Variants in SYT7 observed in about 807,000 individuals in gnomAD.
SYT7 encodes the protein synaptotagmin-7.
In SYT7, 29 loss-of-function variants were observed where a neutral mutation model predicts 75.1. That is an observed-to-expected ratio of 0.39 (90% CI 0.29 to 0.53). The LOEUF (loss-of-function observed/expected upper bound fraction) is 0.53, where lower values mean the gene tolerates loss of function less well. SYT7 is among the 20% of genes least tolerant of loss of function. The probability of loss-of-function intolerance (pLI) is 0.77; values close to 1 mark genes in which losing one functional copy is unlikely to be tolerated. For synonymous variants in SYT7, 376 were observed against 401.7 expected (o/e 0.94, Z 0.76); for missense variants, 693 against 953.2 (o/e 0.73, Z 3.59).
At chr11:61,543,077 G>A (rs2063094170) in intron 5 of SYT7, among the ~76,000 whole-genome samples, 1 of 152,236 alleles carries the variant, frequency 6.6e-6, no homozygotes, top group African/African-American at 2.4e-5. Flanking sequence ...CCAGGCCAGT[G>A]CAGAGCTGGC....
At position 61,524,282 on chromosome 11, in the gene SYT7, A is replaced by G. The variant is rs1229096648; in HGVS notation, c.1641+81T>C. On this transcript the variant is annotated intron_variant, in intron 10 of 12. Transcript: ENST00000539008. This position sits in a 1 kb window ranked among gnomAD's most constrained non-coding sequence, Gnocchi z 4.1. ...CTCCCACAGCCCTCCTGGCCTTCCT[A>G]AGGTTGACAAGGGTCTGGGACCAGA... The G allele has an allele frequency of 1.3e-6, 2 of 1,540,442 alleles. No individual in the cohort carries two copies. Among genetic ancestry groups the G allele is most frequent in the Non-Finnish European group, 1.8e-6 (2 of 1,134,386 alleles).
intron 9 of SYT7, among the ~76,000 whole-genome samples, chr11:61,525,190 C>T (rs1003318041): frequency 2.0e-5 from 3 of 152,250 alleles, no homozygotes; most frequent in African/African-American, 2.4e-5. Context: ...CCCGCATCCA[C>T]GCTTTCTCCT....
At chr11:61,582,085 T>C (rs960788085), upstream of SYT7, among the ~76,000 whole-genome samples, 3 of 147,688 alleles carry the variant, frequency 2.0e-5, no homozygotes, top group Admixed American at 1.4e-4. Context: ...ATCACCTACA[T>C]ACACACACAC....
intron 1 of SYT7, among the ~76,000 whole-genome samples, chr11:61,573,193 G>T (rs926346930): frequency 6.6e-6 from 1 of 152,160 alleles, no homozygotes; most frequent in Non-Finnish European, 1.5e-5. Context: ...CTGATGCCTG[G>T]GGGGGTTATG....
At position 61,546,449 on chromosome 11, in the gene SYT7, G is replaced by C; in HGVS notation, c.348-194C>G. ...TGAGACAGACAGAGAGAGAGAGAGA[G>C]ACATCAGCACTGCAAATGGGTTAAC... On this transcript the variant is annotated intron_variant, in intron 4 of 12. Coordinates refer to ENST00000539008, the MANE Select transcript of SYT7 (RefSeq NM_001365809.2). The surrounding 1 kb of genome is among the most constrained non-coding windows in gnomAD (Gnocchi z 7.6). 1.2e-4 allele frequency: 57 copies of C among 456,814 alleles called. No individual in the cohort carries two copies. Among genetic ancestry groups the C allele is most frequent in the East Asian group, 3.7e-4 (8 of 21,600 alleles). 28.3% of individuals were successfully genotyped at this position (456,814 alleles called of 1,614,324 possible).
rs1017349015 is a variant in SYT7 at position 61,553,259 on chromosome 11, G to A, written c.136-1796C>T. 6.6e-6 allele frequency among the ~76,000 whole-genome samples: 1 copy of A among 152,160 alleles called. No individual in the cohort carries two copies. The highest frequency in any genetic ancestry group is 1.5e-5 in the Non-Finnish European group (1 of 68,006). On this transcript the variant is annotated intron_variant, in intron 2 of 12. Transcript: ENST00000539008. This position sits in a 1 kb window ranked among gnomAD's most constrained non-coding sequence, Gnocchi z 5.2. ...TGCGGCTGTGCCACAGTGACCTCAG[G>A]CCCCCTTTGGCAGGACCCTCAGGCA... is the stretch of plus-strand genomic sequence containing the variant.
chr11:61,520,840 G>A (rs1026479419), intron 12 of SYT7, among the ~76,000 whole-genome samples: 2 of 152,098 alleles, frequency 1.3e-5, no homozygotes, highest in African/African-American at 4.8e-5. Context: ...AAAACAAAAC[G>A]AAACAAAACG....
intron 6 of SYT7, 147 bp from the exon 7 acceptor site, chr11:61,538,413 AAG>A (rs1231103081): frequency 3.1e-6 from 2 of 654,792 alleles, no homozygotes; most frequent in Non-Finnish European, 4.8e-6. Context: ...GACAGAGACA[AAG>A]AGAGAGAAGA....
intron 9 of SYT7, 75 bp downstream of exon 9, chr11:61,527,840 C>T: frequency 1.3e-6 from 2 of 1,565,286 alleles, no homozygotes; most frequent in Non-Finnish European, 1.7e-6. Flanking sequence ...TGCATGTGGC[C>T]ACAAGTGTGG....
At chr11:61,529,855 T>G (rs1238201631) in intron 8 of SYT7, among the ~76,000 whole-genome samples, 1 of 152,184 alleles carries the variant, frequency 6.6e-6, no homozygotes, top group Non-Finnish European at 1.5e-5. Flanking sequence ...GGCGAGTCTC[T>G]AATTCCTGGC....
chr11:61,535,679 A>C (rs1161870119), intron 7 of SYT7, among the ~76,000 whole-genome samples: 1 of 151,322 alleles, frequency 6.6e-6, no homozygotes, highest in Non-Finnish European at 1.5e-5. Context: ...TGTTGGACAC[A>C]CTCCCACGCT....
chr11:61,558,398 G>T (rs952195347), intron 1 of SYT7, among the ~76,000 whole-genome samples: 8 of 151,920 alleles, frequency 5.3e-5, no homozygotes, highest in African/African-American at 1.9e-4. Context: ...GGTTGGAGGG[G>T]GGCGGAGGTT....
At position 61,576,008 on chromosome 11, in the gene SYT7, C is replaced by G. The variant is rs376152948; in HGVS notation, c.31+4782G>C. The stretch of plus-strand genomic sequence containing the variant: ...CCCGGTCCATTCTATCCCAAGGGGT[C>G]CTTCCAGGTGGAGGCTGCAGAGACT... On this transcript the variant is annotated intron_variant, in intron 1 of 12. Transcript: ENST00000539008. The surrounding 1 kb of genome is among the most constrained non-coding windows in gnomAD (Gnocchi z 4.1). Among the ~76,000 whole-genome samples, 5 of 152,186 alleles carry G rather than the reference C, an allele frequency of 3.3e-5. No individual in the cohort carries two copies. The highest frequency in any genetic ancestry group is 1.2e-4 in the African/African-American group (5 of 41,448).
In SYT7 at chr11:61,517,388, CAGA is replaced by C. The variant is rs1312192212; in HGVS notation, c.*1236_*1238del. 3.0e-5 allele frequency: 12 copies of C among 398,628 alleles called. No homozygotes were observed. Among genetic ancestry groups the C allele is most frequent in the Admixed American group, 1.8e-4 (4 of 22,700 alleles). The allele number at this position is 398,628 out of a possible 1,614,324, so 24.7% of individuals were successfully genotyped here. A position where few individuals can be genotyped will look rare whatever the true frequency, so the allele number is the denominator to read the frequency against. On this transcript the variant is annotated 3_prime_UTR_variant, in exon 13 of 13. Transcript: ENST00000539008. ...TTCCCTGCACTGTGAGTGAGTCGGG[CAGA>C]AGGAGCTGCTCCCGGGGACCAGGGA...
chr11:61,551,812 C>T lies in SYT7; in HGVS notation c.136-349G>A, dbSNP rs944905586. Among the ~76,000 whole-genome samples, 16 of 152,286 alleles carry T rather than the reference C, an allele frequency of 1.1e-4. No homozygotes were observed. Among genetic ancestry groups the T allele is most frequent in the South Asian group, 4.1e-4 (2 of 4,826 alleles). ...CTGCCACGGACAGACGGCTCTCAGG[C>T]GCCTGGCCACGTCACACTGTCCACG... On this transcript the variant is annotated intron_variant, in intron 2 of 12. Transcript: ENST00000539008. The surrounding 1 kb of genome is among the most constrained non-coding windows in gnomAD (Gnocchi z 5.3).
chr11:61,574,342 A>C (rs2135442463), intron 1 of SYT7, among the ~76,000 whole-genome samples: 1 of 152,334 alleles, frequency 6.6e-6, no homozygotes, highest in East Asian at 1.9e-4. Flanking sequence ...ACAGAGCAGC[A>C]AGTGTCTCTG....
intron 1 of SYT7, among the ~76,000 whole-genome samples, chr11:61,557,045 G>C (rs1447339821): frequency 1.3e-5 from 2 of 152,188 alleles, no homozygotes; most frequent in African/African-American, 4.8e-5. Flanking sequence ...CCCTTCCCCG[G>C]CTGTGTGGCT....
intron 1 of SYT7, among the ~76,000 whole-genome samples, chr11:61,560,369 CTG>C (rs1234846225): frequency 6.6e-6 from 1 of 152,138 alleles, no homozygotes; most frequent in Non-Finnish European, 1.5e-5. Flanking sequence ...CTGTTCCTGT[CTG>C]TGTTCTTGAG....
At chr11:61,556,327 A>G in intron 1 of SYT7, 120 bp from the exon 2 acceptor site, 1 of 753,882 alleles carries the variant, frequency 1.3e-6, no homozygotes, top group Admixed American at 2.7e-5. Context: ...GGGAGCTCTG[A>G]ACCCAGGTTC....
Sources: gnomAD v4.1 joint callset for allele counts (sites outside exome capture counted in the v4.1 genomes callset) on GRCh38, gnomAD v4.1.1 for gene constraint, Gnocchi (gnomAD v3.1) non-coding constraint, MANE v1.5 for transcripts, NCBI Gene and HGNC (gene_info 2026-07-23, HGNC 2026-07-21) for gene names.